The following NELL1 variants were observed in gnomAD, a reference collection of about 807,000 sequenced individuals.
NELL1 encodes the protein neural EGFL like 1, also known as protein kinase C-binding protein NELL1.
Under a neutral mutation model 107.4 loss-of-function variants are expected in NELL1, and 76 were observed. The ratio of observed to expected loss-of-function variants is 0.71; its 90% CI spans 0.59 to 0.86. The LOEUF (loss-of-function observed/expected upper bound fraction) is 0.86, where lower values mean the gene tolerates loss of function less well. NELL1 is among the 40% of genes least tolerant of loss of function. NELL1 has a pLI of 0.00. For synonymous variants in NELL1, 353 were observed against 341.2 expected, an observed-to-expected ratio of 1.03 and a Z score of -0.38; for missense variants, 1,024 against 1,005.5, an observed-to-expected ratio of 1.02 and a Z score of -0.25.
intron 12 of NELL1, among the ~76,000 whole-genome samples, chr11:21,094,228 C>G (rs1464595670): frequency 1.3e-5 from 2 of 152,210 alleles, no homozygotes; most frequent in Non-Finnish European, 2.9e-5. Context: ...CCAAAGTGAT[C>G]TCCTTGGACT....
chr11:20,992,497 TAAG>T (rs1214996939), intron 12 of NELL1, among the ~76,000 whole-genome samples: 4 of 152,156 alleles, frequency 2.6e-5, no homozygotes, highest in African/African-American at 9.7e-5. Context: ...CCAGAGAAGT[TAAG>T]AAGGTGGGTT....
intron 13 of NELL1, among the ~76,000 whole-genome samples, chr11:21,182,315 T>C (rs1490987069): frequency 6.6e-6 from 1 of 151,554 alleles, no homozygotes; most frequent in African/African-American, 2.4e-5. Context: ...GTGTCTGTAA[T>C]CTCAGCTACT....
At chr11:21,548,953 T>C (rs1046435768) in intron 16 of NELL1, among the ~76,000 whole-genome samples, 2 of 151,030 alleles carry the variant, frequency 1.3e-5, no homozygotes, top group Admixed American at 1.3e-4. Flanking sequence ...AATTTTACTG[T>C]ACTCCATGGT....
chr11:21,232,155 A>AAT (rs1565122677), intron 14 of NELL1, among the ~76,000 whole-genome samples: 6 of 50,032 alleles, frequency 1.2e-4, no homozygotes, highest in East Asian at 5.6e-4. Flanking sequence ...AATAAAAAAA[A>AAT]AAAAATATAT....
intron 3 of NELL1, among the ~76,000 whole-genome samples, chr11:20,815,962 G>A (rs1267465870): frequency 6.6e-6 from 1 of 151,988 alleles, no homozygotes; most frequent in East Asian, 1.9e-4. Context: ...TCAGATGATT[G>A]TAGGTGTGTG....
intron 14 of NELL1, among the ~76,000 whole-genome samples, chr11:21,339,312 C>T (rs1159185217): frequency 1.3e-5 from 2 of 152,080 alleles, no homozygotes; most frequent in Non-Finnish European, 2.9e-5. Context: ...AACTGAAAGC[C>T]AAAGGATACT....
At chr11:21,309,277 TA>T (rs1849681813) in intron 14 of NELL1, among the ~76,000 whole-genome samples, 2 of 13,572 alleles carry the variant, frequency 1.5e-4, no homozygotes, top group South Asian at 2.0e-3. Flanking sequence ...TATATATATA[TA>T]TGTATATATA....
chr11:20,878,206 A>G (rs1425517911), intron 4 of NELL1, among the ~76,000 whole-genome samples: 3 of 151,752 alleles, frequency 2.0e-5, no homozygotes, highest in African/African-American at 4.8e-5. Flanking sequence ...TAAAAATACA[A>G]AAAATTAGCT....
At chr11:21,232,141 A>AAAT (rs1176574217) in intron 14 of NELL1, among the ~76,000 whole-genome samples, 41 of 35,562 alleles carry the variant, frequency 1.2e-3, no homozygotes, top group Non-Finnish European at 2.0e-3. Flanking sequence ...CTCTACTAAA[A>AAAT]AAAAATAAAA....
In NELL1 at chr11:21,064,540, G is replaced by C. The variant is rs537860971; in HGVS notation, c.1301-49049G>C. On this transcript the variant is annotated intron_variant, in intron 12 of 19. Transcript: ENST00000357134. ...AGACTGGGTACTGGATGTCTTCTAGGCTATGGTAAAAAGTTCAGATTTTAT... is the reference window on the plus strand; with the variant it reads ...AGACTGGGTACTGGATGTCTTCTAGCCTATGGTAAAAAGTTCAGATTTTAT... Among the ~76,000 whole-genome samples, 33 of 152,234 alleles carry C rather than the reference G, an allele frequency of 2.2e-4. No homozygotes were observed. In the South Asian group the frequency reaches 6.0e-3, roughly 28 times the overall value.
chr11:21,290,794 A>G (rs1849239812), intron 14 of NELL1, among the ~76,000 whole-genome samples: 1 of 152,202 alleles, frequency 6.6e-6, no homozygotes, highest in Non-Finnish European at 1.5e-5. Flanking sequence ...GAATAGCATC[A>G]ACATCAACAA....
At chr11:21,058,396 A>G (rs7120935) in intron 12 of NELL1, among the ~76,000 whole-genome samples, 99,207 of 152,030 alleles carry the variant, frequency 0.65, 33,395 homozygotes, top group East Asian at 0.81. Context: ...TCTAAGTGAA[A>G]CAAATGTTTG....
intron 15 of NELL1, among the ~76,000 whole-genome samples, chr11:21,514,460 C>A (rs1855509357): frequency 6.6e-6 from 1 of 152,174 alleles, no homozygotes; most frequent in South Asian, 2.1e-4. Context: ...GTAAAGTGAG[C>A]CAGATATGGA....
chr11:21,081,800 A>T (rs1854276351), intron 12 of NELL1, among the ~76,000 whole-genome samples: 1 of 152,190 alleles, frequency 6.6e-6, no homozygotes, highest in South Asian at 2.1e-4. Flanking sequence ...TGATCTTCGT[A>T]AAAAGTATAA....
chr11:20,866,887 C>G (rs1466293986), intron 4 of NELL1, among the ~76,000 whole-genome samples: 2 of 152,198 alleles, frequency 1.3e-5, no homozygotes, highest in Non-Finnish European at 2.9e-5. Context: ...TATTTTAATG[C>G]TGAGTTCCAA....
intron 13 of NELL1, chr11:21,170,159 G>A (rs1441043892): frequency 4.6e-6 from 3 of 646,970 alleles, no homozygotes; most frequent in Non-Finnish European, 8.4e-6. Flanking sequence ...TACATGACTG[G>A]GATGTGATCT....
intron 15 of NELL1, among the ~76,000 whole-genome samples, chr11:21,498,318 A>T (rs1187213595): frequency 7.1e-6 from 1 of 141,434 alleles, no homozygotes. Context: ...ATTTTGCTAC[A>T]CATCCATAAA....
chr11:20,721,364 A>G (rs981594261), intron 2 of NELL1, among the ~76,000 whole-genome samples: 8 of 151,926 alleles, frequency 5.3e-5, no homozygotes, highest in Admixed American at 1.3e-4. Flanking sequence ...GTGACATACA[A>G]TATCAAGAGT....
At chr11:20,706,999 A>G (rs1854980148) in intron 2 of NELL1, among the ~76,000 whole-genome samples, 1 of 152,168 alleles carries the variant, frequency 6.6e-6, no homozygotes, top group Non-Finnish European at 1.5e-5. Flanking sequence ...ATTTTTAGGT[A>G]CACCAATCAG....
Sources: allele counts gnomAD v4.1 joint callset (sites outside exome capture counted in the v4.1 genomes callset), GRCh38; gene constraint gnomAD v4.1.1; transcripts MANE v1.5; gene names NCBI Gene and HGNC (gene_info 2026-07-23, HGNC 2026-07-21).